Variants in GAB1 observed in about 807,000 individuals in gnomAD.
GAB1 encodes the protein GRB2 associated binding protein 1, also known as GRB2-associated-binding protein 1.
Under a neutral mutation model 66.5 loss-of-function variants are expected in GAB1, and 19 were observed. The ratio of observed to expected loss-of-function variants is 0.29; its 90% CI spans 0.20 to 0.42. The LOEUF is 0.42. Among genes scored for constraint, GAB1 ranks in the 10% least tolerant of loss-of-function variants. The pLI is 1.00. For missense variants in GAB1, 732 were observed against 858.5 expected, an observed-to-expected ratio of 0.85 and a Z score of 1.84; for synonymous variants, 294 against 301.4, an observed-to-expected ratio of 0.98 and a Z score of 0.25.
intron 1 of GAB1, among the ~76,000 whole-genome samples, chr4:143,367,390 T>C (rs923753652): frequency 6.6e-6 from 1 of 152,176 alleles, no homozygotes; most frequent in Admixed American, 6.6e-5. Context: ...ATTTATACAA[T>C]ATACTTAGAA....
intron 6 of GAB1, among the ~76,000 whole-genome samples, chr4:143,445,783 GTTT>G (rs1464205087): frequency 6.6e-6 from 1 of 151,892 alleles, no homozygotes; most frequent in African/African-American, 2.4e-5. Context: ...TTATTGATTT[GTTT>G]TTTTGTTTGT....
At chr4:143,387,367 G>A (rs1275215479) in intron 1 of GAB1, among the ~76,000 whole-genome samples, 1 of 152,166 alleles carries the variant, frequency 6.6e-6, no homozygotes, top group Non-Finnish European at 1.5e-5. Flanking sequence ...CCAACCTCAG[G>A]TGATCCACCT....
chr4:143,381,069 C>T (rs1412627555), intron 1 of GAB1, among the ~76,000 whole-genome samples: 1 of 152,162 alleles, frequency 6.6e-6, no homozygotes, highest in Non-Finnish European at 1.5e-5. Context: ...AGGGGATCAA[C>T]CTGTGACTGA....
intron 1 of GAB1, among the ~76,000 whole-genome samples, chr4:143,352,979 A>G (rs967104919): frequency 6.6e-6 from 1 of 152,224 alleles, no homozygotes; most frequent in Non-Finnish European, 1.5e-5. Context: ...AGGTTAGAAT[A>G]TGAGAAAGTA....
At chr4:143,351,372 G>A (rs556787541) in intron 1 of GAB1, among the ~76,000 whole-genome samples, 2 of 152,258 alleles carry the variant, frequency 1.3e-5, no homozygotes, top group South Asian at 2.1e-4. Flanking sequence ...CAGCTTCTCC[G>A]GCCATACCCC....
In GAB1 at chr4:143,440,173, A is replaced by T. The variant is rs1222832632; in HGVS notation, c.1376A>T (p.His459Leu). ...AATCCCAATTCACCACCACGACAAC[A>T]TTCCAGCAGTTTTACAGAACCAATT... ...PMNPNSPPRQ[H>L]SSSFTEPIQE... The change falls in exon 6 of 10, where the codon CAT becomes CTT. Residue 459 changes from histidine (H) to leucine (L), a missense_variant. Physicochemically the swap from His to Leu is moderately conservative, Grantham distance 99 (BLOSUM62 -3). This residue lies in a region of GAB1 where 427 missense variants were observed against 420.6 expected (regional missense o/e 1.02). Coordinates refer to ENST00000262994, the MANE Select transcript of GAB1 (RefSeq NM_002039.4). The T allele has an allele frequency of 6.2e-7, 1 of 1,614,194 alleles. No individual in the cohort carries two copies. The highest frequency in any genetic ancestry group is 1.7e-5 in the Admixed American group (1 of 60,026).
In GAB1 at chr4:143,415,779, C is replaced by A; in HGVS notation, c.367+8C>A. 1.3e-6 allele frequency: 2 copies of A among 1,559,994 alleles called. No homozygotes were observed. The highest frequency in any genetic ancestry group is 2.4e-5 in the South Asian group (2 of 83,794). ...TTAATCCAACAGAAGAAGGTAAGTT[C>A]AAGATATTACTATTCAACTTGAATT... On this transcript the variant is annotated splice_region_variant and intron_variant, in intron 2 of 9. Transcript: ENST00000262994.
At chr4:143,447,876 G>T (rs1238398711) in intron 6 of GAB1, among the ~76,000 whole-genome samples, 2 of 152,134 alleles carry the variant, frequency 1.3e-5, no homozygotes, top group Non-Finnish European at 2.9e-5. Flanking sequence ...AGTTTTCAAA[G>T]GGAATGCTTC....
intron 1 of GAB1, among the ~76,000 whole-genome samples, chr4:143,358,582 A>G (rs1729538349): frequency 6.6e-6 from 1 of 152,190 alleles, no homozygotes; most frequent in African/African-American, 2.4e-5. Context: ...TGAAACTAAA[A>G]CAATTTATTC....
rs372418800 is a variant in GAB1 at position 143,350,017 on chromosome 4, C to T, written c.72+12757C>T. 77 of 1,562,688 alleles carry T rather than the reference C, an allele frequency of 4.9e-5. 1 individual carries two copies. Among genetic ancestry groups the T allele is most frequent in the East Asian group, 2.3e-4 (10 of 44,030 alleles). On this transcript the variant is annotated intron_variant, in intron 1 of 9. Transcript: ENST00000262994. Reference sequence around the variant, plus strand: ...GGCCTTGCCTCCGCGACCCCGGCCCCGGATGCCACTGCCGAAACCTCCGCG... The same window carrying T: ...GGCCTTGCCTCCGCGACCCCGGCCCTGGATGCCACTGCCGAAACCTCCGCG...
intron 1 of GAB1, among the ~76,000 whole-genome samples, chr4:143,352,485 G>C (rs1560714217): frequency 2.6e-5 from 4 of 152,200 alleles, no homozygotes; most frequent in Non-Finnish European, 4.4e-5. Context: ...CTTATAGCTT[G>C]GCAGAGTCCT....
chr4:143,414,318 G>A (rs1470161367), intron 1 of GAB1, among the ~76,000 whole-genome samples: 2 of 152,174 alleles, frequency 1.3e-5, no homozygotes, highest in Admixed American at 1.3e-4. Flanking sequence ...TGATAAGGAA[G>A]GCTGTTTGTC....
chr4:143,391,701 T>C (rs1560736840), intron 1 of GAB1: 1 of 152,224 alleles, frequency 6.6e-6, no homozygotes, highest in Non-Finnish European at 1.5e-5. Flanking sequence ...GAAAACTGCA[T>C]AGATATTCAT....
intron 2 of GAB1, among the ~76,000 whole-genome samples, chr4:143,429,028 GA>G (rs1187046044): frequency 8.5e-5 from 13 of 152,104 alleles, no homozygotes; most frequent in African/African-American, 3.1e-4. Context: ...ATCATGATAG[GA>G]TGGAGTTGTT....
At position 143,437,901 on chromosome 4, in the gene GAB1, A is replaced by T; in HGVS notation, c.594-98A>T. The T allele has an allele frequency of 1.1e-5, 13 of 1,171,762 alleles. No individual in the cohort carries two copies. The South Asian group carries it at 1.8e-4, about 17-fold the overall frequency. 72.6% of individuals were successfully genotyped at this position (1,171,762 alleles called of 1,614,324 possible). On this transcript the variant is annotated intron_variant, in intron 3 of 9. Coordinates refer to ENST00000262994, the MANE Select transcript of GAB1 (RefSeq NM_002039.4). ...GATCACACAAAAAATCTAATGAGAA[A>T]AGCCCTATCTTTTGATTGCTTAGCG...
At chr4:143,411,675 C>T (rs958784915) in intron 1 of GAB1, among the ~76,000 whole-genome samples, 6 of 152,104 alleles carry the variant, frequency 3.9e-5, no homozygotes, top group African/African-American at 1.4e-4. Context: ...TATGTGGGCC[C>T]GTTTTGTGCT....
At chr4:143,376,457 G>A (rs1376130447) in intron 1 of GAB1, among the ~76,000 whole-genome samples, 1 of 152,218 alleles carries the variant, frequency 6.6e-6, no homozygotes, top group Non-Finnish European at 1.5e-5. Context: ...GTATCGCCCT[G>A]TGGAGCTATC....
intron 2 of GAB1, chr4:143,417,382 T>A: frequency 2.4e-6 from 1 of 411,542 alleles, no homozygotes; most frequent in South Asian, 1.8e-5. Flanking sequence ...AGTGGAATTC[T>A]ACCTCGGGTA....
chr4:143,339,964 A>G (rs7663712), intron 1 of GAB1, among the ~76,000 whole-genome samples: 6,980 of 152,312 alleles, frequency 0.046, 179 homozygotes, highest in Middle Eastern at 0.065. Flanking sequence ...GGAAGACAGT[A>G]GACAGGGCGG....
Sources: gnomAD v4.1 joint callset for allele counts (sites outside exome capture counted in the v4.1 genomes callset) on GRCh38, gnomAD v4.1.1 for gene constraint, gnomAD v4.1.1 regional missense constraint, MANE v1.5 for transcripts, NCBI Gene and HGNC (gene_info 2026-07-23, HGNC 2026-07-21) for gene names.